Variants in SGIP1 observed in about 807,000 individuals in gnomAD.
The protein encoded by SGIP1 is SH3-containing GRB2-like protein 3-interacting protein 1.
In SGIP1, 38 loss-of-function variants were observed where a neutral mutation model predicts 107.5. The ratio of observed to expected loss-of-function variants is 0.35; its 90% CI spans 0.27 to 0.46. The LOEUF (loss-of-function observed/expected upper bound fraction) is 0.46. Among genes scored for constraint, SGIP1 ranks in the 20% least tolerant of loss-of-function variants. The pLI is 1.00. For synonymous variants in SGIP1, 365 were observed against 366.1 expected, an observed-to-expected ratio of 1.00 and a Z score of 0.03; for missense variants, 929 against 1,019.5, an observed-to-expected ratio of 0.91 and a Z score of 1.21.
intron 1 of SGIP1, among the ~76,000 whole-genome samples, chr1:66,572,782 A>G (rs2060550900): frequency 6.6e-6 from 1 of 152,102 alleles, no homozygotes; most frequent in Non-Finnish European, 1.5e-5. Flanking sequence ...AGAGCCTACA[A>G]CAGAGAGAAT....
At chr1:66,635,438 G>A (rs926116499) in intron 3 of SGIP1, among the ~76,000 whole-genome samples, 1 of 152,052 alleles carries the variant, frequency 6.6e-6, no homozygotes, top group Non-Finnish European at 1.5e-5. Flanking sequence ...TTTGCTGTGA[G>A]AAGGTCATTT....
At chr1:66,612,225 A>G (rs2068178482) in intron 1 of SGIP1, among the ~76,000 whole-genome samples, 1 of 152,200 alleles carries the variant, frequency 6.6e-6, no homozygotes, top group Non-Finnish European at 1.5e-5. Context: ...TCTCATAGAA[A>G]TTAACAGAGT....
chr1:66,636,456 G>A (rs561301286), intron 4 of SGIP1, among the ~76,000 whole-genome samples: 6 of 152,290 alleles, frequency 3.9e-5, no homozygotes, highest in Admixed American at 1.3e-4. Flanking sequence ...ACATTGAGTC[G>A]GGGATGCTGA....
intron 1 of SGIP1, among the ~76,000 whole-genome samples, chr1:66,568,910 C>A (rs1400208037): frequency 6.6e-6 from 1 of 151,894 alleles, no homozygotes; most frequent in Non-Finnish European, 1.5e-5. Flanking sequence ...TGGGAACTAG[C>A]TGCTACCCCA....
chr1:66,545,181 G>A (rs191225667), intron 1 of SGIP1, among the ~76,000 whole-genome samples: 182 of 152,286 alleles, frequency 1.2e-3, no homozygotes, highest in African/African-American at 4.2e-3. Flanking sequence ...TGTTTACCAT[G>A]CTTCTAAGAT....
At chr1:66,669,695 C>G (rs1312323787) in intron 9 of SGIP1, among the ~76,000 whole-genome samples, 1 of 152,134 alleles carries the variant, frequency 6.6e-6, no homozygotes, top group Non-Finnish European at 1.5e-5. Context: ...TGTAGTAATT[C>G]TCTATATGAC....
At chr1:66,536,033 C>T (rs1190089168) in intron 1 of SGIP1, among the ~76,000 whole-genome samples, 1 of 152,156 alleles carries the variant, frequency 6.6e-6, no homozygotes, top group Non-Finnish European at 1.5e-5. Flanking sequence ...AAGGTTGTAA[C>T]GTTTTTTGAT....
intron 1 of SGIP1, among the ~76,000 whole-genome samples, chr1:66,590,802 T>C (rs1171321513): frequency 1.3e-5 from 2 of 152,210 alleles, no homozygotes; most frequent in African/African-American, 2.4e-5. Flanking sequence ...GTGTCCTTAG[T>C]TGCCCAGGCT....
At chr1:66,576,243 T>C (rs916352499) in intron 1 of SGIP1, among the ~76,000 whole-genome samples, 6 of 152,182 alleles carry the variant, frequency 3.9e-5, no homozygotes, top group African/African-American at 1.4e-4. Flanking sequence ...AAGTTAAAAA[T>C]CACTGAAGAG....
At chr1:66,589,835 T>G (rs1418279874) in intron 1 of SGIP1, among the ~76,000 whole-genome samples, 1 of 152,242 alleles carries the variant, frequency 6.6e-6, no homozygotes, top group African/African-American at 2.4e-5. Context: ...AAGGTTCTAC[T>G]ACATCCTTTT....
intron 18 of SGIP1, among the ~76,000 whole-genome samples, chr1:66,706,080 G>C (rs943044491): frequency 6.6e-6 from 1 of 151,444 alleles, no homozygotes; most frequent in Admixed American, 6.6e-5. Context: ...CTGAATTCCA[G>C]TTATATTAAA....
intron 1 of SGIP1, among the ~76,000 whole-genome samples, chr1:66,569,883 T>C (rs1052215704): frequency 6.6e-6 from 1 of 151,894 alleles, no homozygotes; most frequent in Non-Finnish European, 1.5e-5. Context: ...TTATCAACTA[T>C]TGATTCAATT....
chr1:66,620,515 G>A (rs574074750), intron 1 of SGIP1, among the ~76,000 whole-genome samples: 2 of 152,230 alleles, frequency 1.3e-5, no homozygotes, highest in East Asian at 1.9e-4. Flanking sequence ...AGCAAGGCAC[G>A]TCTTACATGG....
At chr1:66,719,126 T>C (rs1435282375) in intron 18 of SGIP1, among the ~76,000 whole-genome samples, 168 bp from the exon 19 acceptor site, 1 of 152,158 alleles carries the variant, frequency 6.6e-6, no homozygotes, top group Non-Finnish European at 1.5e-5. Context: ...TATTTCCTTT[T>C]AAATACTTGA....
At chr1:66,642,977 T>A (rs2149492343) in intron 6 of SGIP1, 113 bp downstream of exon 6, 1 of 894,496 alleles carries the variant, frequency 1.1e-6, no homozygotes, top group Non-Finnish European at 1.7e-6. Flanking sequence ...AGTCCTGTTA[T>A]CCCTAATATT....
At chr1:66,557,400 A>C (rs1029276368) in intron 1 of SGIP1, among the ~76,000 whole-genome samples, 1 of 152,160 alleles carries the variant, frequency 6.6e-6, no homozygotes, top group African/African-American at 2.4e-5. Context: ...ATGCTTGAAA[A>C]TGTGAAAATT....
chr1:66,599,251 C>T (rs752908383), intron 1 of SGIP1, among the ~76,000 whole-genome samples: 9 of 152,102 alleles, frequency 5.9e-5, no homozygotes, highest in Non-Finnish European at 2.9e-5. Flanking sequence ...AATTTGGGAA[C>T]CTCTGTCCTA....
intron 15 of SGIP1, among the ~76,000 whole-genome samples, chr1:66,686,878 G>A (rs914220328): frequency 4.6e-5 from 7 of 152,146 alleles, no homozygotes; most frequent in South Asian, 4.1e-4. Context: ...TCATCATCAC[G>A]GGTATCTACT....
At chr1:66,722,027 G>A (rs544831092) in intron 19 of SGIP1, among the ~76,000 whole-genome samples, 10 of 151,824 alleles carry the variant, frequency 6.6e-5, no homozygotes, top group Non-Finnish European at 1.3e-4. Flanking sequence ...GCCTCACCCC[G>A]TGGCCGTGTC....
Sources: gnomAD v4.1 joint callset for allele counts (sites outside exome capture counted in the v4.1 genomes callset) on GRCh38, gnomAD v4.1.1 for gene constraint, MANE v1.5 for transcripts, NCBI Gene and HGNC (gene_info 2026-07-23, HGNC 2026-07-21) for gene names.